The following ZFYVE26 variants were observed in gnomAD, a reference collection of about 807,000 sequenced individuals.
ZFYVE26 encodes the protein zinc finger FYVE-type containing 26, also known as zinc finger FYVE domain-containing protein 26.
A neutral mutation model predicts 276.5 loss-of-function variants in ZFYVE26; 181 were observed. The ratio of observed to expected loss-of-function variants is 0.65; its 90% CI spans 0.58 to 0.74. The LOEUF (loss-of-function observed/expected upper bound fraction) is 0.74. ZFYVE26 is among the 30% of genes least tolerant of loss of function. ZFYVE26 has a pLI of 0.00. For missense variants in ZFYVE26, 2,821 were observed against 3,097.9 expected (o/e 0.91, Z 2.12); for synonymous variants, 1,129 against 1,203.1 (o/e 0.94, Z 1.27).
rs1421988828 is a variant in ZFYVE26, at chr14:67,778,245, A to G, written c.4678T>C (p.Tyr1560His). ...CAGCCCCACTCTTCACACAGTTCAT[A>G]CTCCTGGAAGGAAACACACATGCCT... is the stretch of plus-strand genomic sequence containing the variant. ...VMNMILEAQE[Y>H]ELCEEWGCLY... The change falls in exon 24 of 42, where the codon TAT becomes CAT. Residue 1560 changes from tyrosine to histidine, a missense_variant. Tyr to His is a moderately conservative substitution (Grantham distance 83). Transcript: ENST00000347230. 10 of 1,613,944 alleles carry G rather than the reference A, an allele frequency of 6.2e-6. No homozygotes were observed. The highest frequency in any genetic ancestry group is 8.5e-6 in the Non-Finnish European group (10 of 1,179,972).
chr14:67,808,557 C>T (rs2040231503), intron 4 of ZFYVE26, among the ~76,000 whole-genome samples: 1 of 151,916 alleles, frequency 6.6e-6, no homozygotes. Context: ...GGTGAGGGTA[C>T]AGGGAGAGAA....
intron 14 of ZFYVE26, 144 bp from the exon 15 acceptor site, chr14:67,790,917 A>T: frequency 1.3e-6 from 1 of 750,580 alleles, no homozygotes; most frequent in Non-Finnish European, 2.3e-6. Context: ...TGAATGTTAG[A>T]AGAGCAGGTC....
chr14:67,798,638 CAAGAG>C lies in ZFYVE26; in HGVS notation c.1640-21_1640-17del. On this transcript the variant is annotated splice_polypyrimidine_tract_variant and intron_variant, in intron 10 of 41. Transcript: ENST00000347230. The stretch of plus-strand genomic sequence containing the variant: ...TTTGCAGCACCTACAAAAACATGTA[CAAGAG>C]AAGAGGCCAGAGAAAGAGAAGACAG... 3 of 1,613,512 alleles carry C rather than the reference CAAGAG, an allele frequency of 1.9e-6. No individual in the cohort carries two copies. Among genetic ancestry groups the C allele is most frequent in the Middle Eastern group, 3.3e-4 (2 of 6,062 alleles).
Position 67,780,290 on chromosome 14 carries a change from C to T in ZFYVE26, c.4625G>A (p.Cys1542Tyr), listed in dbSNP as rs147603499. The T allele has an allele frequency of 7.4e-6, 12 of 1,613,900 alleles. No homozygotes were observed. The highest frequency in any genetic ancestry group is 1.3e-5 in the African/African-American group (1 of 74,872). Residue 1542 changes from cysteine (C) to tyrosine (Y), a missense_variant, in exon 23 of 42, where the codon TGT becomes TAT. Coordinates refer to ENST00000347230, the MANE Select transcript of ZFYVE26 (RefSeq NM_015346.4). ...VWCDWQTLRS[C>Y]CVEDPSTVMN... ...GACAGTTGATGGGTCCTCAACACAA[C>T]AGCTCCTCAAGGTCTGCCAGTCACA...
chr14:67,753,015 C>T (rs541768247), intron 39 of ZFYVE26, among the ~76,000 whole-genome samples: 2 of 152,208 alleles, frequency 1.3e-5, no homozygotes, highest in African/African-American at 2.4e-5. Flanking sequence ...GGAGCTGCCC[C>T]TCTGCCTGCC....
At chr14:67,768,400 A>T (rs1206404431) in intron 30 of ZFYVE26, 117 bp downstream of exon 30, 2 of 1,214,848 alleles carry the variant, frequency 1.6e-6, no homozygotes, top group African/African-American at 3.0e-5. Flanking sequence ...GCTTTGGCAA[A>T]CAAGTTGGAT....
In ZFYVE26 at chr14:67,755,958, T is replaced by A; in HGVS notation, c.6776A>T (p.Gln2259Leu). 6.2e-7 allele frequency: 1 copy of A among 1,614,256 alleles called. No homozygotes were observed. Among genetic ancestry groups the A allele is most frequent in the Admixed American group, 1.7e-5 (1 of 60,020 alleles). The change falls in exon 36 of 42, where the codon CAG becomes CTG. Residue 2259 changes from glutamine (Q) to leucine (L), a missense_variant. Physicochemically the swap from Gln to Leu is moderately radical, Grantham distance 113 (BLOSUM62 -2). Transcript: ENST00000347230. ...AGGGGCTGCCATTACCTTCATAAAC[T>A]GCTGCAGCTCATACAGAATGTGGTA... The part of the protein sequence containing the change: ...NYYHILYELQ[Q>L]FMKDQVRAAM...
At chr14:67,753,947 T>C in intron 38 of ZFYVE26, 124 bp downstream of exon 38, 1 of 1,549,738 alleles carries the variant, frequency 6.5e-7, no homozygotes. Context: ...CTTTGGTGGC[T>C]CATATTCTAG....
intron 5 of ZFYVE26, among the ~76,000 whole-genome samples, chr14:67,806,931 T>A (rs1422429783): frequency 6.6e-6 from 1 of 152,126 alleles, no homozygotes; most frequent in African/African-American, 2.4e-5. Context: ...CCTATACTTT[T>A]ATTTATTTAT....
At chr14:67,775,170 ACCACC>A in intron 26 of ZFYVE26, 56 bp from the exon 27 acceptor site, 1 of 1,229,502 alleles carries the variant, frequency 8.1e-7, no homozygotes, top group South Asian at 1.4e-5. Context: ...ATCTTGATTC[ACCACC>A]CTAGGCATTT....
Position 67,766,224 on chromosome 14 carries a change from T to C in ZFYVE26, c.6011+3A>G. 1.2e-6 allele frequency: 2 copies of C among 1,614,004 alleles called. No homozygotes were observed. The highest frequency in any genetic ancestry group is 1.7e-6 in the Non-Finnish European group (2 of 1,179,990). On this transcript the variant is annotated splice_donor_region_variant and intron_variant, in intron 32 of 41. Transcript: ENST00000347230. ...AAAAGAATAGAGACCCACTGCCCTC[T>C]ACCTGTCACAAAGAGCCAAGTCTTG...
rs1282707398 is a variant in ZFYVE26 at position 67,775,713 on chromosome 14, T to C, written c.5221+147A>G. 6 of 1,178,634 alleles carry C rather than the reference T, an allele frequency of 5.1e-6. No homozygotes were observed. The African/African-American group carries it at 9.1e-5, about 18-fold the overall frequency. The allele number at this position is 1,178,634 out of a possible 1,614,324, so 73.0% of individuals were successfully genotyped here. ...CTTCCTCCAAGACCAAGATCTCTCC[T>C]ATATAATAAAGAGATAGCTCTTCTG... On this transcript the variant is annotated intron_variant, in intron 26 of 41. Coordinates refer to ENST00000347230, the MANE Select transcript of ZFYVE26 (RefSeq NM_015346.4).
intron 35 of ZFYVE26, chr14:67,760,921 A>G (rs1397022956): frequency 2.8e-6 from 1 of 359,542 alleles, no homozygotes; most frequent in East Asian, 5.3e-5. Context: ...GATTGGCACC[A>G]TGGTTACTTC....
At chr14:67,765,594 C>G (rs181644697) in intron 32 of ZFYVE26, among the ~76,000 whole-genome samples, 59 of 152,316 alleles carry the variant, frequency 3.9e-4, no homozygotes, top group Admixed American at 3.5e-3. Context: ...ATCTGAGTCA[C>G]ACATTTGAGT....
intron 13 of ZFYVE26, chr14:67,734,151 G>A (rs892981694): frequency 1.6e-4 from 52 of 333,146 alleles, no homozygotes; most frequent in African/African-American, 8.5e-4. Flanking sequence ...AGAAGAGCCC[G>A]AGAAATTGGG....
At chr14:67,793,480 C>G in intron 14 of ZFYVE26, 128 bp downstream of exon 14, 1 of 1,066,986 alleles carries the variant, frequency 9.4e-7, no homozygotes, top group Non-Finnish European at 1.4e-6. Flanking sequence ...TGGAAACCCC[C>G]TCTTGCTTCT....
chr14:67,741,754 G>GA (rs1308982582), downstream of ZFYVE26, among the ~76,000 whole-genome samples: 1 of 152,208 alleles, frequency 6.6e-6, no homozygotes, highest in Non-Finnish European at 1.5e-5. Context: ...ACTACTATTT[G>GA]AAAACGTGAC....
At chr14:67,793,800 G>T (rs1415595612) in intron 13 of ZFYVE26, 41 bp from the exon 14 acceptor site, 4 of 1,612,662 alleles carry the variant, frequency 2.5e-6, no homozygotes, top group Non-Finnish European at 3.4e-6. Flanking sequence ...AGAAGCAAGA[G>T]GAATTAAGGA....
At chr14:67,738,404 A>G (rs1038863954) in intron 13 of ZFYVE26, among the ~76,000 whole-genome samples, 3 of 148,506 alleles carry the variant, frequency 2.0e-5, no homozygotes, top group Admixed American at 6.7e-5. Context: ...TTATAGAAAT[A>G]TACTTATATA....
Sources: allele counts gnomAD v4.1 joint callset (sites outside exome capture counted in the v4.1 genomes callset), GRCh38; gene constraint gnomAD v4.1.1; transcripts MANE v1.5; gene names NCBI Gene and HGNC (gene_info 2026-07-23, HGNC 2026-07-21).